The following PCSK5 variants were observed in gnomAD, a reference collection of about 807,000 sequenced individuals.
The protein encoded by PCSK5 is prohormone convertase 5.
A neutral mutation model predicts 233.2 loss-of-function variants in PCSK5; 129 were observed. The observed-to-expected ratio is 0.55, with a 90% CI of 0.48 to 0.64. PCSK5 has a LOEUF of 0.64. Among genes scored for constraint, PCSK5 ranks in the 30% least tolerant of loss-of-function variants. PCSK5 has a pLI of 0.00. For synonymous variants in PCSK5, 825 were observed against 879.2 expected (o/e 0.94, Z 1.09); for missense variants, 2,076 against 2,430.1 (o/e 0.85, Z 3.06).
At chr9:76,068,513 A>G (rs1830368004) in intron 6 of PCSK5, among the ~76,000 whole-genome samples, 1 of 152,182 alleles carries the variant, frequency 6.6e-6, no homozygotes, top group Non-Finnish European at 1.5e-5. Flanking sequence ...AATTAAAATG[A>G]TATATGGCAA....
intron 1 of PCSK5, among the ~76,000 whole-genome samples, chr9:75,920,700 G>A (rs1823218237): frequency 6.6e-6 from 1 of 152,190 alleles, no homozygotes; most frequent in Non-Finnish European, 1.5e-5. Flanking sequence ...CAGTTACTCT[G>A]GAGGCTGAGG....
intron 23 of PCSK5, 38 bp downstream of exon 23, chr9:76,239,203 A>G (rs1564128644): frequency 4.0e-6 from 6 of 1,497,592 alleles, no homozygotes; most frequent in Middle Eastern, 2.3e-4. Flanking sequence ...GCACCCGAAC[A>G]TGGGAGGAGG....
At chr9:76,192,515 G>A (rs1487965655) in intron 20 of PCSK5, among the ~76,000 whole-genome samples, 1 of 152,182 alleles carries the variant, frequency 6.6e-6, no homozygotes, top group Non-Finnish European at 1.5e-5. Flanking sequence ...CCAGAAAACT[G>A]ATGTGATATC....
intron 33 of PCSK5, 84 bp downstream of exon 33, chr9:76,328,323 GCTT>G: frequency 1.0e-6 from 1 of 965,214 alleles, no homozygotes; most frequent in East Asian, 2.4e-5. Flanking sequence ...GTAGATACTG[GCTT>G]CTTTCTTTTT....
intron 2 of PCSK5, among the ~76,000 whole-genome samples, chr9:75,972,790 A>G (rs948181583): frequency 2.0e-5 from 3 of 151,898 alleles, no homozygotes; most frequent in African/African-American, 4.8e-5. Context: ...TCTCTCTCCT[A>G]TTTTCTTTCC....
chr9:76,270,221 T>C (rs1009096504), intron 24 of PCSK5, among the ~76,000 whole-genome samples: 3 of 152,180 alleles, frequency 2.0e-5, no homozygotes, highest in African/African-American at 7.2e-5. Context: ...GTTTTGTTTC[T>C]GTTTGAGCAG....
intron 24 of PCSK5, among the ~76,000 whole-genome samples, chr9:76,250,169 G>A (rs7469950): frequency 0.074 from 11,203 of 152,216 alleles, 423 homozygotes; most frequent in South Asian, 0.085. Flanking sequence ...GGGCGTGGTG[G>A]TGCGTGCTTG....
At chr9:76,186,892 G>C (rs1435863283) in intron 17 of PCSK5, among the ~76,000 whole-genome samples, 1 of 152,040 alleles carries the variant, frequency 6.6e-6, no homozygotes, top group African/African-American at 2.4e-5. Flanking sequence ...TATGAATGAA[G>C]TCCACTTTCA....
chr9:76,188,293 C>T (rs955160147), intron 17 of PCSK5, among the ~76,000 whole-genome samples: 6 of 149,082 alleles, frequency 4.0e-5, no homozygotes, highest in African/African-American at 1.2e-4. Flanking sequence ...TAAGATGTTG[C>T]GCAAAGTAGG....
intron 9 of PCSK5, among the ~76,000 whole-genome samples, chr9:76,114,099 T>C (rs950777894): frequency 3.9e-5 from 6 of 152,120 alleles, no homozygotes; most frequent in African/African-American, 1.2e-4. Context: ...GTGTTGTATG[T>C]TGGGCTTAAA....
intron 1 of PCSK5, among the ~76,000 whole-genome samples, chr9:75,911,633 G>C (rs1285635457): frequency 6.6e-6 from 1 of 152,120 alleles, no homozygotes; most frequent in Non-Finnish European, 1.5e-5. Flanking sequence ...TGACTGGTAG[G>C]TTCTTGAGTT....
chr9:76,271,345 G>A (rs772548669), intron 24 of PCSK5, among the ~76,000 whole-genome samples: 8 of 152,118 alleles, frequency 5.3e-5, no homozygotes, highest in Non-Finnish European at 1.0e-4. Flanking sequence ...TCTCATCTGG[G>A]CATATGAGTT....
chr9:76,122,401 CTG>C (rs1182762759), intron 9 of PCSK5, among the ~76,000 whole-genome samples: 9 of 151,958 alleles, frequency 5.9e-5, no homozygotes, highest in African/African-American at 2.2e-4. Flanking sequence ...TTTTGATAGA[CTG>C]TTATTTTCTA....
At chr9:76,288,434 G>A (rs1301176882) in intron 24 of PCSK5, among the ~76,000 whole-genome samples, 1 of 152,168 alleles carries the variant, frequency 6.6e-6, no homozygotes, top group African/African-American at 2.4e-5. Context: ...ACATAACCTG[G>A]AAGCTGGAAG....
intron 9 of PCSK5, among the ~76,000 whole-genome samples, chr9:76,107,688 T>C (rs1413058353): frequency 6.6e-6 from 1 of 152,202 alleles, no homozygotes; most frequent in Admixed American, 6.5e-5. Context: ...AGAGGTTAGG[T>C]CTGCCCATTT....
intron 24 of PCSK5, among the ~76,000 whole-genome samples, chr9:76,282,898 T>C (rs1162725545): frequency 6.6e-6 from 1 of 152,164 alleles, no homozygotes; most frequent in Non-Finnish European, 1.5e-5. Context: ...TTGGAAGAAG[T>C]TGATTCTAAC....
At chr9:75,979,351 GC>G (rs1307929129) in intron 2 of PCSK5, among the ~76,000 whole-genome samples, 2 of 152,128 alleles carry the variant, frequency 1.3e-5, no homozygotes, top group Admixed American at 1.3e-4. Context: ...AGGGCCTCAT[GC>G]TTTAGAGGGC....
chr9:76,150,242 G>C (rs1587689373), intron 10 of PCSK5, among the ~76,000 whole-genome samples: 1 of 152,142 alleles, frequency 6.6e-6, no homozygotes, highest in East Asian at 1.9e-4. Flanking sequence ...CTTTCCATGT[G>C]CAAGTTCTCA....
intron 24 of PCSK5, among the ~76,000 whole-genome samples, chr9:76,242,599 A>G (rs2131332572): frequency 6.6e-6 from 1 of 152,362 alleles, no homozygotes; most frequent in South Asian, 2.1e-4. Flanking sequence ...AGCAAATTCC[A>G]GTGTCTGTCT....
Sources: gnomAD v4.1 joint callset for allele counts (sites outside exome capture counted in the v4.1 genomes callset) on GRCh38, gnomAD v4.1.1 for gene constraint, MANE v1.5 for transcripts, NCBI Gene and HGNC (gene_info 2026-07-23, HGNC 2026-07-21) for gene names.